Variants in NAV1 observed in about 807,000 individuals in gnomAD.
NAV1 encodes neuron navigator 1.
NAV1 carries 18 observed loss-of-function variants against 175.2 expected under a neutral mutation model. The observed-to-expected ratio is 0.10, with a 90% CI of 0.07 to 0.15. NAV1 has a LOEUF of 0.15. NAV1 is among the 10% of genes least tolerant of loss of function. NAV1 has a pLI of 1.00. For synonymous variants in NAV1, 897 were observed against 978.7 expected (o/e 0.92, Z 1.56); for missense variants, 1,731 against 2,436.6 (o/e 0.71, Z 6.10).
At chr1:201,699,886 A>G (rs967176216) in intron 1 of NAV1, among the ~76,000 whole-genome samples, 3 of 152,266 alleles carry the variant, frequency 2.0e-5, no homozygotes, top group African/African-American at 7.2e-5. Flanking sequence ...CTGGCTAGCC[A>G]TATGTAGAAA....
At position 201,718,874 on chromosome 1, in the gene NAV1, G is replaced by A. The variant is rs1672250221; in HGVS notation, c.1226+119G>A. ...TTTGGTTTGCTGTGCTGCTATGAAA[G>A]TACACAAAAGTGTGCTGTGTACACT... is the stretch of plus-strand genomic sequence containing the variant. On this transcript the variant is annotated intron_variant, in intron 3 of 29. Transcript: ENST00000367296. The surrounding 1 kb of genome is among the most constrained non-coding windows in gnomAD (Gnocchi z 4.8). 4 of 1,265,738 alleles carry A rather than the reference G, an allele frequency of 3.2e-6. No individual in the cohort carries two copies. The highest frequency in any genetic ancestry group is 2.8e-4 in the Middle Eastern group (1 of 3,592). The allele number at this position is 1,265,738 out of a possible 1,614,324, so 78.4% of individuals were successfully genotyped here. A position where few individuals can be genotyped will look rare whatever the true frequency, so the allele number is the denominator to read the frequency against.
chr1:201,598,519 G>A (rs1667423604), intron 2 of NAV1, among the ~76,000 whole-genome samples: 1 of 152,214 alleles, frequency 6.6e-6, no homozygotes, highest in African/African-American at 2.4e-5. Flanking sequence ...TCCTGGTGAG[G>A]AATCGGAACT....
intron 1 of NAV1, among the ~76,000 whole-genome samples, chr1:201,578,529 T>C (rs1666756877): frequency 6.6e-6 from 1 of 152,084 alleles, no homozygotes; most frequent in Admixed American, 6.6e-5. Flanking sequence ...TTATTACTGC[T>C]AGGTGGGGGT....
chr1:201,709,661 G>C (rs1438708533), intron 1 of NAV1, among the ~76,000 whole-genome samples: 2 of 152,178 alleles, frequency 1.3e-5, no homozygotes, highest in Admixed American at 1.3e-4. Flanking sequence ...GGCCACCAGG[G>C]GCCACTGCTG....
At chr1:201,728,024 T>C (rs892837933) in intron 3 of NAV1, among the ~76,000 whole-genome samples, 6 of 152,166 alleles carry the variant, frequency 3.9e-5, no homozygotes, top group African/African-American at 1.2e-4. Context: ...CCACCAGTTA[T>C]AAAGAGGAAA....
chr1:201,684,429 A>G (rs146235893), intron 1 of NAV1, among the ~76,000 whole-genome samples: 1 of 151,274 alleles, frequency 6.6e-6, no homozygotes, highest in African/African-American at 2.4e-5. Context: ...TGCAACGCTA[A>G]CCTAATAGCA....
At chr1:201,793,641 G>GA (rs945715659) in intron 13 of NAV1, 151 bp from the exon 18 acceptor site, 6 of 664,672 alleles carry the variant, frequency 9.0e-6, no homozygotes, top group Non-Finnish European at 1.6e-5. Context: ...GTCTGCTCAG[G>GA]AAAATCAATA....
At chr1:201,779,961 G>C (rs917401558) in intron 3 of NAV1, among the ~76,000 whole-genome samples, 4 of 152,138 alleles carry the variant, frequency 2.6e-5, no homozygotes, top group African/African-American at 9.7e-5. Context: ...AGTCTAAGAG[G>C]TTCTAGAAAA....
At chr1:201,696,040 G>A (rs1671175678) in intron 1 of NAV1, among the ~76,000 whole-genome samples, 1 of 152,206 alleles carries the variant, frequency 6.6e-6, no homozygotes, top group South Asian at 2.1e-4. Flanking sequence ...GGAAGAAGCG[G>A]GGACTGGAAT....
In NAV1 at chr1:201,782,230, G is replaced by A. The variant is rs1676371749; in HGVS notation, c.1718G>A (p.Gly573Glu). The A allele has an allele frequency of 1.2e-6, 2 of 1,613,398 alleles. No homozygotes were observed. Among genetic ancestry groups the A allele is most frequent in the African/African-American group, 2.7e-5 (2 of 74,900 alleles). ...GGTAAGCTTGCAGTGAAGAATACTG[G>A]GCTCCAACGCTCCTCCTCTGATGCT... is the stretch of plus-strand genomic sequence containing the variant. Residue 573 changes from glycine to glutamate, a missense_variant, in exon 6 of 30, where the codon GGG becomes GAG. Transcript: ENST00000367296. This position sits in a 1 kb window ranked among gnomAD's most constrained non-coding sequence, Gnocchi z 5.4.
chr1:201,642,203 T>C (rs1411292338), intron 2 of NAV1, among the ~76,000 whole-genome samples: 9 of 140,602 alleles, frequency 6.4e-5, no homozygotes, highest in Admixed American at 1.4e-4. Context: ...CTTTCTTCCT[T>C]TCTTCCTTCC....
At chr1:201,598,167 C>G (rs621397) in intron 2 of NAV1, among the ~76,000 whole-genome samples, 7,077 of 152,320 alleles carry the variant, frequency 0.046, 386 homozygotes, top group East Asian at 0.15. Context: ...GGGCCACTTA[C>G]AGAAGGTCAG....
chr1:201,804,035 C>A (rs1050831722), intron 16 of NAV1: 2 of 506,516 alleles, frequency 3.9e-6, no homozygotes, highest in Non-Finnish European at 7.7e-6. Flanking sequence ...CAGTTCTGTC[C>A]CCACCACCCC....
chr1:201,723,002 T>G lies in NAV1; in HGVS notation c.1226+4247T>G, dbSNP rs1010190023. On this transcript the variant is annotated intron_variant, in intron 3 of 29. Coordinates refer to ENST00000367296, the Ensembl canonical transcript of NAV1. Reference sequence around the variant, plus strand: ...GGTGCGTGCCTGTAATACCAGCTATTCGGGAGGCTGACACAGGAGAATTGC... The same window carrying G: ...GGTGCGTGCCTGTAATACCAGCTATGCGGGAGGCTGACACAGGAGAATTGC... 1.5e-4 allele frequency among the ~76,000 whole-genome samples: 23 copies of G among 152,142 alleles called. 1 individual carries two copies. The highest frequency in any genetic ancestry group is 1.5e-5 in the Non-Finnish European group (1 of 68,024).
At chr1:201,599,119 C>T (rs1460852293) in intron 2 of NAV1, among the ~76,000 whole-genome samples, 1 of 152,188 alleles carries the variant, frequency 6.6e-6, no homozygotes, top group Non-Finnish European at 1.5e-5. Flanking sequence ...CCCACTTGGG[C>T]TTAGCTGGCC....
At chr1:201,804,442 T>A (rs200165029) in intron 16 of NAV1, 47 bp from the exon 21 acceptor site, 1 of 1,534,924 alleles carries the variant, frequency 6.5e-7, no homozygotes, top group Non-Finnish European at 8.8e-7. Context: ...TTGATTCTTT[T>A]TTTTTTTCCT....
intron 3 of NAV1, among the ~76,000 whole-genome samples, chr1:201,779,859 TAACAGAAG>T (rs1357817856): frequency 1.3e-5 from 2 of 152,116 alleles, no homozygotes; most frequent in Non-Finnish European, 2.9e-5. Flanking sequence ...TTGGTTCACT[TAACAGAAG>T]AACAGTATGT....
chr1:201,816,894 G>T, intron 28 of NAV1, 194 bp from the exon 33 acceptor site: 1 of 578,476 alleles, frequency 1.7e-6, no homozygotes, highest in Non-Finnish European at 3.0e-6. Context: ...GGCTGGTCTT[G>T]AACTTCTGAC....
intron 1 of NAV1, among the ~76,000 whole-genome samples, chr1:201,547,832 T>C (rs896562049): frequency 6.6e-6 from 1 of 152,236 alleles, no homozygotes; most frequent in Non-Finnish European, 1.5e-5. Flanking sequence ...TCTTGCTCTG[T>C]TGCCCAGGCT....
Sources: gnomAD v4.1 joint callset for allele counts (sites outside exome capture counted in the v4.1 genomes callset) on GRCh38, gnomAD v4.1.1 for gene constraint, Gnocchi (gnomAD v3.1) non-coding constraint, MANE v1.5 for transcripts, NCBI Gene and HGNC (gene_info 2026-07-23, HGNC 2026-07-21) for gene names.